The following ADGRL3 variants were observed in gnomAD, a reference collection of about 807,000 sequenced individuals.
ADGRL3 encodes calcium-independent alpha-latrotoxin receptor 3.
Under a neutral mutation model 153.5 loss-of-function variants are expected in ADGRL3, and 62 were observed. The observed-to-expected ratio is 0.40, with a 90% CI of 0.33 to 0.50. The LOEUF is 0.50. Ranked by LOEUF, ADGRL3 falls within the 20% of genes least tolerant of loss-of-function variation. The pLI, the probability that ADGRL3 is intolerant of heterozygous loss-of-function variation, is 0.47. For synonymous variants in ADGRL3, 710 were observed against 672.5 expected, an observed-to-expected ratio of 1.06 and a Z score of -0.86; for missense variants, 1,641 against 1,859.4, an observed-to-expected ratio of 0.88 and a Z score of 2.16.
At chr4:61,647,665 A>G (rs528795467) in intron 5 of ADGRL3, among the ~76,000 whole-genome samples, 3 of 152,004 alleles carry the variant, frequency 2.0e-5, no homozygotes, top group African/African-American at 4.8e-5. Flanking sequence ...AGTGTTTTAC[A>G]TTGATACAGT....
chr4:61,611,437 A>G (rs1303993058), intron 5 of ADGRL3, among the ~76,000 whole-genome samples: 1 of 152,090 alleles, frequency 6.6e-6, no homozygotes. Flanking sequence ...CTAGCTGTCT[A>G]TGTCATAGTA....
intron 8 of ADGRL3, among the ~76,000 whole-genome samples, chr4:61,788,704 A>T (rs1451262010): frequency 6.6e-6 from 1 of 152,184 alleles, no homozygotes; most frequent in Non-Finnish European, 1.5e-5. Flanking sequence ...AATTGCCAGA[A>T]AAAGAATTTA....
At chr4:61,251,798 T>G (rs1207957433) in intron 1 of ADGRL3, among the ~76,000 whole-genome samples, 1 of 151,766 alleles carries the variant, frequency 6.6e-6, no homozygotes, top group Non-Finnish European at 1.5e-5. Flanking sequence ...TTTTTTCAGT[T>G]TAAAAGTCAT....
intron 1 of ADGRL3, among the ~76,000 whole-genome samples, chr4:61,265,129 C>T (rs1363146761): frequency 1.3e-5 from 2 of 151,812 alleles, no homozygotes; most frequent in African/African-American, 4.8e-5. Context: ...TAGGTGTTAT[C>T]TTTGTATACA....
chr4:61,387,831 A>C (rs1334807279), intron 2 of ADGRL3, among the ~76,000 whole-genome samples: 1 of 152,154 alleles, frequency 6.6e-6, no homozygotes, highest in Non-Finnish European at 1.5e-5. Flanking sequence ...TTAAGAGATT[A>C]AAGTAAAGAC....
chr4:61,525,950 A>G (rs1046838249), intron 4 of ADGRL3, among the ~76,000 whole-genome samples: 10 of 152,096 alleles, frequency 6.6e-5, no homozygotes, highest in Admixed American at 5.2e-4. Flanking sequence ...AAAAGTTGGC[A>G]ATTTCTGACA....
chr4:61,544,229 C>T (rs1362054391), intron 4 of ADGRL3, among the ~76,000 whole-genome samples: 16 of 152,144 alleles, frequency 1.1e-4, no homozygotes, highest in Admixed American at 1.0e-3. Context: ...TAGCTGCACC[C>T]AACCTTAATG....
At chr4:61,357,574 A>T (rs1422144616) in intron 1 of ADGRL3, among the ~76,000 whole-genome samples, 1 of 152,140 alleles carries the variant, frequency 6.6e-6, no homozygotes, top group Non-Finnish European at 1.5e-5. Flanking sequence ...TTTAGTTTAC[A>T]CTGTGAGTAT....
At chr4:61,532,555 C>CGCGCGCGCGCGTGT (rs760218872) in intron 4 of ADGRL3, among the ~76,000 whole-genome samples, 1 of 131,438 alleles carries the variant, frequency 7.6e-6, no homozygotes, top group Admixed American at 7.6e-5. Flanking sequence ...CGCGCGCGCG[C>CGCGCGCGCGCGTGT]GTGTGTGTGT....
intron 1 of ADGRL3, among the ~76,000 whole-genome samples, chr4:61,379,808 C>T (rs1296292153): frequency 6.6e-6 from 1 of 151,976 alleles, no homozygotes; most frequent in African/African-American, 2.4e-5. Flanking sequence ...TAATCAGTGT[C>T]ATGAAATTCT....
intron 9 of ADGRL3, among the ~76,000 whole-genome samples, chr4:61,889,072 C>T (rs1224451630): frequency 1.3e-5 from 2 of 152,148 alleles, no homozygotes; most frequent in Non-Finnish European, 2.9e-5. Context: ...TCTCCACTGC[C>T]TTCTTGACCT....
At chr4:61,594,396 A>G (rs927011979) in intron 5 of ADGRL3, among the ~76,000 whole-genome samples, 6 of 152,078 alleles carry the variant, frequency 3.9e-5, no homozygotes, top group African/African-American at 1.4e-4. Flanking sequence ...TTAAAGAGGT[A>G]GATATTTATT....
chr4:61,983,329 G>T (rs1410406142), intron 18 of ADGRL3, 54 bp from the exon 19 acceptor site: 18 of 1,388,512 alleles, frequency 1.3e-5, no homozygotes, highest in South Asian at 2.4e-5. Flanking sequence ...TATGGCAGTT[G>T]ACTAGTATCC....
At chr4:61,465,022 G>T (rs1050819538) in intron 2 of ADGRL3, among the ~76,000 whole-genome samples, 3 of 152,114 alleles carry the variant, frequency 2.0e-5, no homozygotes, top group African/African-American at 7.2e-5. Flanking sequence ...TTTTGCTCAG[G>T]AATGGGGTCC....
chr4:62,067,947 T>C (rs1258804220), intron 25 of ADGRL3, among the ~76,000 whole-genome samples: 2 of 152,094 alleles, frequency 1.3e-5, no homozygotes. Flanking sequence ...TATATTAGCA[T>C]GTGTTAAGGG....
At chr4:61,984,444 T>C (rs1474716528) in intron 19 of ADGRL3, among the ~76,000 whole-genome samples, 1 of 152,078 alleles carries the variant, frequency 6.6e-6, no homozygotes, top group Non-Finnish European at 1.5e-5. Context: ...CAGTGGTGCA[T>C]GTCTATAAAG....
At chr4:61,632,549 T>G (rs187730621) in intron 5 of ADGRL3, among the ~76,000 whole-genome samples, 236 of 152,264 alleles carry the variant, frequency 1.5e-3, no homozygotes, top group Non-Finnish European at 2.8e-3. Flanking sequence ...GCCTGTTAAG[T>G]TCATGATAAA....
At chr4:61,814,773 C>T (rs1329263005) in intron 9 of ADGRL3, among the ~76,000 whole-genome samples, 2 of 152,038 alleles carry the variant, frequency 1.3e-5, no homozygotes, top group African/African-American at 2.4e-5. Flanking sequence ...TTTCAAGGCC[C>T]TCCTCTATAT....
At chr4:61,749,750 C>A (rs1283234493) in intron 8 of ADGRL3, among the ~76,000 whole-genome samples, 1 of 151,918 alleles carries the variant, frequency 6.6e-6, no homozygotes, top group Non-Finnish European at 1.5e-5. Flanking sequence ...AGGAGATATA[C>A]CTAATGCTAA....
Sources: allele counts gnomAD v4.1 joint callset (sites outside exome capture counted in the v4.1 genomes callset), GRCh38; gene constraint gnomAD v4.1.1; transcripts MANE v1.5; gene names NCBI Gene and HGNC (gene_info 2026-07-23, HGNC 2026-07-21).